The following DLGAP2 variants were observed in gnomAD, a reference collection of about 807,000 sequenced individuals.
DLGAP2 encodes disks large-associated protein 2.
DLGAP2 carries 26 observed loss-of-function variants against 100.3 expected under a neutral mutation model. That is an observed-to-expected ratio of 0.26 (90% CI 0.19 to 0.36). The LOEUF (loss-of-function observed/expected upper bound fraction) is 0.36, where lower values mean the gene tolerates loss of function less well. DLGAP2 is among the 10% of genes least tolerant of loss of function. The pLI, the probability that DLGAP2 is intolerant of heterozygous loss-of-function variation, is 1.00. For synonymous variants in DLGAP2, 886 were observed against 630.1 expected, an observed-to-expected ratio of 1.41 and a Z score of -6.08; for missense variants, 1,858 against 1,453.2, an observed-to-expected ratio of 1.28 and a Z score of -4.53.
intron 3 of DLGAP2, among the ~76,000 whole-genome samples, chr8:1,342,983 C>T (rs536965007): frequency 3.9e-4 from 60 of 152,276 alleles, no homozygotes; most frequent in African/African-American, 1.1e-3. Flanking sequence ...TGCATGGGTG[C>T]GGGGTGCTGG....
At chr8:1,529,964 A>G (rs377511439) in intron 4 of DLGAP2, among the ~76,000 whole-genome samples, 4 of 152,360 alleles carry the variant, frequency 2.6e-5, no homozygotes, top group African/African-American at 9.6e-5. Flanking sequence ...CAAGTACTTT[A>G]CAAGGTAATA....
intron 6 of DLGAP2, among the ~76,000 whole-genome samples, chr8:1,597,534 C>G (rs1015404771): frequency 6.6e-6 from 1 of 152,052 alleles, no homozygotes; most frequent in Non-Finnish European, 1.5e-5. Context: ...TGTGTCTTCT[C>G]TTATTTCCTT....
intron 3 of DLGAP2, among the ~76,000 whole-genome samples, chr8:1,446,016 A>G (rs1222900020): frequency 5.3e-5 from 8 of 151,850 alleles, no homozygotes; most frequent in Non-Finnish European, 8.8e-5. Context: ...AGTAGGTTGC[A>G]AAAATTTTCT....
chr8:1,550,589 G>C (rs1801731025), intron 5 of DLGAP2, among the ~76,000 whole-genome samples: 2 of 152,130 alleles, frequency 1.3e-5, no homozygotes, highest in Admixed American at 1.3e-4. Context: ...GCCTCTCTAA[G>C]CACCCCCCAC....
intron 3 of DLGAP2, chr8:1,296,968 C>G (rs951810033): frequency 6.6e-6 from 1 of 152,380 alleles, no homozygotes; most frequent in African/African-American, 2.4e-5. Flanking sequence ...TTGAGCATCC[C>G]GGATAATGGG....
At chr8:1,665,298 T>C (rs551917020) in intron 8 of DLGAP2, among the ~76,000 whole-genome samples, 3 of 152,336 alleles carry the variant, frequency 2.0e-5, no homozygotes, top group Non-Finnish European at 4.4e-5. Context: ...AGAGTAACTA[T>C]GAAACACATA....
chr8:824,459 G>A (rs185072791), intron 1 of DLGAP2, among the ~76,000 whole-genome samples: 69 of 152,260 alleles, frequency 4.5e-4, no homozygotes, highest in East Asian at 2.5e-3. Context: ...ATGAGGGAGC[G>A]CGTTGGCTTA....
intron 2 of DLGAP2, among the ~76,000 whole-genome samples, chr8:1,063,514 A>G (rs1228002399): frequency 1.6e-5 from 2 of 124,678 alleles, no homozygotes; most frequent in African/African-American, 3.0e-5. Context: ...TTGCCTTAGT[A>G]TACTGGCTTT....
At chr8:1,127,968 C>T (rs574732298) in intron 2 of DLGAP2, among the ~76,000 whole-genome samples, 1 of 152,308 alleles carries the variant, frequency 6.6e-6, no homozygotes, top group African/African-American at 2.4e-5. Flanking sequence ...TCTCATTTTC[C>T]CAATTTAAAT....
At chr8:1,170,503 C>T (rs1295311525) in intron 2 of DLGAP2, among the ~76,000 whole-genome samples, 1 of 151,624 alleles carries the variant, frequency 6.6e-6, no homozygotes, top group Admixed American at 6.6e-5. Context: ...GCTGTGAATC[C>T]ATCTGGTCCT....
At chr8:1,493,967 T>C (rs1799468076) in intron 3 of DLGAP2, among the ~76,000 whole-genome samples, 1 of 152,226 alleles carries the variant, frequency 6.6e-6, no homozygotes, top group South Asian at 2.1e-4. Context: ...TGGGAACGTG[T>C]TGTATCTCCT....
intron 3 of DLGAP2, among the ~76,000 whole-genome samples, chr8:1,310,841 A>C (rs973582938): frequency 3.9e-5 from 6 of 152,144 alleles, no homozygotes; most frequent in Admixed American, 3.9e-4. Context: ...TCAAAGTAAC[A>C]TTTTAGCCAC....
In DLGAP2 at chr8:1,618,118, CAAG is replaced by C. The variant is rs908529748; in HGVS notation, c.1443-8617_1443-8615del. Among the ~76,000 whole-genome samples the C allele has an allele frequency of 1.6e-4, 24 of 152,102 alleles. 1 individual carries two copies. The highest frequency in any genetic ancestry group is 3.1e-4 in the Non-Finnish European group (21 of 68,018). ...GTCCTCGCCAGACACAGAAGGCAAA[CAAG>C]AAGAGAAAAAGCACGAAATTTAAAA... On this transcript the variant is annotated intron_variant, in intron 6 of 14. Coordinates refer to ENST00000637795, the MANE Select transcript of DLGAP2 (RefSeq NM_001346810.2).
chr8:1,405,334 C>A (rs1473267995), intron 3 of DLGAP2, among the ~76,000 whole-genome samples: 10 of 17,896 alleles, frequency 5.6e-4, no homozygotes, highest in African/African-American at 1.9e-3. Context: ...CTGAGCGCTC[C>A]CTCATCGTCC....
At chr8:1,689,713 G>T (rs1184958959) in intron 12 of DLGAP2, among the ~76,000 whole-genome samples, 1 of 152,198 alleles carries the variant, frequency 6.6e-6, no homozygotes, top group Non-Finnish European at 1.5e-5. Context: ...GCTCAGGAAA[G>T]ACGGCCCCAC....
At position 841,251 on chromosome 8, in the gene DLGAP2, G is replaced by T. The variant is rs1053377622; in HGVS notation, c.19-66661G>T. Reference sequence around the variant, plus strand: ...CAAAGAGGACCAATTCATTAAAACGGTTATGATGAACTCATGCATGGCGCA... The same window carrying T: ...CAAAGAGGACCAATTCATTAAAACGTTTATGATGAACTCATGCATGGCGCA... On this transcript the variant is annotated intron_variant, in intron 1 of 14. Transcript: ENST00000637795. 3.3e-5 allele frequency among the ~76,000 whole-genome samples: 5 copies of T among 152,096 alleles called. No homozygotes were observed. In the East Asian group the frequency reaches 5.8e-4, roughly 18 times the overall value.
chr8:1,414,649 G>C (rs75202903), intron 3 of DLGAP2, among the ~76,000 whole-genome samples: 2,488 of 152,016 alleles, frequency 0.016, 73 homozygotes, highest in African/African-American at 0.057. Context: ...CGCCATCTAC[G>C]CACGTCCAGG....
chr8:1,312,501 A>C (rs1800636361), intron 3 of DLGAP2, among the ~76,000 whole-genome samples: 1 of 152,308 alleles, frequency 6.6e-6, no homozygotes, highest in East Asian at 1.9e-4. Flanking sequence ...ACACACATGG[A>C]GACAAGAACA....
chr8:1,455,218 C>G (rs1036227622), intron 3 of DLGAP2, among the ~76,000 whole-genome samples: 1 of 152,274 alleles, frequency 6.6e-6, no homozygotes, highest in Non-Finnish European at 1.5e-5. Context: ...GGTCACAGCG[C>G]TCCACGTGGA....
Sources: gnomAD v4.1 joint callset for allele counts (sites outside exome capture counted in the v4.1 genomes callset) on GRCh38, gnomAD v4.1.1 for gene constraint, MANE v1.5 for transcripts, NCBI Gene and HGNC (gene_info 2026-07-23, HGNC 2026-07-21) for gene names.